Variants in SSBP2 observed in about 807,000 individuals in gnomAD.
SSBP2 encodes single-stranded DNA-binding protein 2.
In SSBP2, 17 loss-of-function variants were observed where a neutral mutation model predicts 61.8. That is an observed-to-expected ratio of 0.28 (90% CI 0.19 to 0.41). SSBP2 has a LOEUF of 0.41. SSBP2 is among the 10% of genes least tolerant of loss of function. The pLI, the probability that SSBP2 is intolerant of heterozygous loss-of-function variation, is 1.00. For missense variants in SSBP2, 310 were observed against 458.7 expected (o/e 0.68, Z 2.96); for synonymous variants, 139 against 141.3 (o/e 0.98, Z 0.12).
intron 10 of SSBP2, among the ~76,000 whole-genome samples, chr5:81,452,027 G>A (rs1372378727): frequency 1.3e-5 from 2 of 152,146 alleles, no homozygotes; most frequent in African/African-American, 4.8e-5. Flanking sequence ...GAGCTGGACA[G>A]TTGGGACTTA....
intron 4 of SSBP2, among the ~76,000 whole-genome samples, chr5:81,545,021 T>G (rs1771619312): frequency 1.3e-5 from 2 of 152,226 alleles, no homozygotes; most frequent in Admixed American, 6.5e-5. Context: ...AGACTCTCAC[T>G]GACTGTACAA....
chr5:81,737,941 T>A (rs1456033933), intron 1 of SSBP2, among the ~76,000 whole-genome samples: 1 of 152,214 alleles, frequency 6.6e-6, no homozygotes, highest in East Asian at 1.9e-4. Flanking sequence ...TATGTCTCCG[T>A]TCTTTTCAAT....
At chr5:81,420,718 C>T (rs543496511) in intron 16 of SSBP2, among the ~76,000 whole-genome samples, 185 bp from the exon 17 acceptor site, 14 of 152,168 alleles carry the variant, frequency 9.2e-5, no homozygotes, top group Admixed American at 2.6e-4. Context: ...TAACTTAGTA[C>T]TGAAATTTTA....
At chr5:81,697,050 G>C (rs1392942610) in intron 1 of SSBP2, among the ~76,000 whole-genome samples, 1 of 152,172 alleles carries the variant, frequency 6.6e-6, no homozygotes, top group Admixed American at 6.5e-5. Context: ...AGAAAGAAAA[G>C]TACCTTCTTT....
intron 5 of SSBP2, among the ~76,000 whole-genome samples, chr5:81,493,762 A>AT (rs1767076524): frequency 1.3e-5 from 2 of 151,640 alleles, no homozygotes; most frequent in African/African-American, 4.9e-5. Context: ...TCTCAAAAAA[A>AT]AAAATAAAAT....
chr5:81,603,608 G>A (rs1744594684), intron 4 of SSBP2, among the ~76,000 whole-genome samples: 1 of 152,108 alleles, frequency 6.6e-6, no homozygotes, highest in Non-Finnish European at 1.5e-5. Flanking sequence ...ATACTGATCA[G>A]GCTCAAGGTA....
At chr5:81,489,422 G>C in intron 5 of SSBP2, 113 bp from the exon 6 acceptor site, 1 of 844,932 alleles carries the variant, frequency 1.2e-6, no homozygotes, top group Non-Finnish European at 1.8e-6. Flanking sequence ...ACAAATCAAT[G>C]TACTTTGAGG....
intron 1 of SSBP2, among the ~76,000 whole-genome samples, chr5:81,676,982 A>C (rs1752034506): frequency 6.6e-6 from 1 of 152,184 alleles, no homozygotes; most frequent in Non-Finnish European, 1.5e-5. Flanking sequence ...ATTAAGAGCC[A>C]GGAAGATTTC....
chr5:81,606,172 T>C (rs530890775), intron 4 of SSBP2, among the ~76,000 whole-genome samples: 1 of 152,262 alleles, frequency 6.6e-6, no homozygotes, highest in African/African-American at 2.4e-5. Flanking sequence ...TAACACCTGC[T>C]ATTAAAACCT....
At chr5:81,560,690 T>C (rs986415130) in intron 4 of SSBP2, among the ~76,000 whole-genome samples, 1 of 152,222 alleles carries the variant, frequency 6.6e-6, no homozygotes, top group African/African-American at 2.4e-5. Flanking sequence ...TGAAACTATG[T>C]TTCATGTCTA....
At chr5:81,503,181 G>A (rs550728341) in intron 5 of SSBP2, among the ~76,000 whole-genome samples, 16 of 152,262 alleles carry the variant, frequency 1.1e-4, no homozygotes, top group African/African-American at 1.4e-4. Context: ...GCAGCTGGGC[G>A]TGGTGGCTCA....
At chr5:81,658,252 T>C (rs895372610) in intron 1 of SSBP2, among the ~76,000 whole-genome samples, 2 of 152,208 alleles carry the variant, frequency 1.3e-5, no homozygotes, top group Non-Finnish European at 2.9e-5. Context: ...CACCATTCTA[T>C]GCTGCTTCTA....
chr5:81,587,767 A>G (rs1018049078), intron 4 of SSBP2, among the ~76,000 whole-genome samples: 1,405 of 135,642 alleles, frequency 0.01, 11 homozygotes, highest in Non-Finnish European at 0.015. Context: ...GCGCGCGCAC[A>G]CACACACACA....
intron 4 of SSBP2, among the ~76,000 whole-genome samples, chr5:81,605,876 C>G (rs2153572480): frequency 6.6e-6 from 1 of 152,212 alleles, no homozygotes; most frequent in South Asian, 2.1e-4. Flanking sequence ...AGAAGAAAAC[C>G]TAACTTTTCC....
intron 6 of SSBP2, among the ~76,000 whole-genome samples, chr5:81,486,565 T>C (rs1247689890): frequency 6.6e-6 from 1 of 152,172 alleles, no homozygotes; most frequent in African/African-American, 2.4e-5. Flanking sequence ...TACAAAGCTA[T>C]GGACGGAATG....
chr5:81,454,207 C>T (rs1387133646), intron 10 of SSBP2, among the ~76,000 whole-genome samples: 1 of 152,156 alleles, frequency 6.6e-6, no homozygotes, highest in African/African-American at 2.4e-5. Context: ...AAGTTTTGTA[C>T]TGGTAACCCC....
rs573526895 is a variant in SSBP2 at position 81,546,826 on chromosome 5, T to C, written c.283-33109A>G. Among the ~76,000 whole-genome samples, 20 of 151,908 alleles carry C rather than the reference T, an allele frequency of 1.3e-4. No homozygotes were observed. In the East Asian group the frequency reaches 3.9e-3, roughly 29 times the overall value. ...AATGACTTTTCAAAAGAAACCTGCC[T>C]TCTAACACAATGCCAATCTTATGAA... On this transcript the variant is annotated intron_variant, in intron 4 of 16. Transcript: ENST00000320672.
chr5:81,504,633 C>T (rs956848698), intron 5 of SSBP2, among the ~76,000 whole-genome samples: 1 of 152,188 alleles, frequency 6.6e-6, no homozygotes, highest in Non-Finnish European at 1.5e-5. Context: ...CTATCCAAAA[C>T]TTTTGCAATG....
At chr5:81,661,780 C>G (rs1417670632) in intron 1 of SSBP2, among the ~76,000 whole-genome samples, 1 of 152,010 alleles carries the variant, frequency 6.6e-6, no homozygotes, top group Non-Finnish European at 1.5e-5. Flanking sequence ...AAATATTTTC[C>G]CCCATTCCCT....
Sources: allele counts gnomAD v4.1 joint callset (sites outside exome capture counted in the v4.1 genomes callset), GRCh38; gene constraint gnomAD v4.1.1; transcripts MANE v1.5; gene names NCBI Gene and HGNC (gene_info 2026-07-23, HGNC 2026-07-21).